CCDC91: variants seen among roughly 807,000 people sequenced by gnomAD.
The protein encoded by CCDC91 is coiled-coil domain containing 91.
Under a neutral mutation model 63.2 loss-of-function variants are expected in CCDC91, and 48 were observed. The observed-to-expected ratio is 0.76, with a 90% CI of 0.60 to 0.97. The LOEUF (loss-of-function observed/expected upper bound fraction) is 0.97, where lower values mean the gene tolerates loss of function less well. Ranked by LOEUF, CCDC91 falls within the 50% of genes least tolerant of loss-of-function variation. CCDC91 has a pLI of 0.00. For synonymous variants in CCDC91, 167 were observed against 165.8 expected (o/e 1.01, Z -0.06); for missense variants, 500 against 494.6 (o/e 1.01, Z -0.10).
At chr12:28,441,408 T>G (rs1335661537) in intron 8 of CCDC91, among the ~76,000 whole-genome samples, 1 of 152,078 alleles carries the variant, frequency 6.6e-6, no homozygotes, top group Non-Finnish European at 1.5e-5. Context: ...CTGTGATTCC[T>G]TTATTCACAG....
At chr12:28,462,992 A>G (rs1400543142) in intron 11 of CCDC91, among the ~76,000 whole-genome samples, 1 of 152,158 alleles carries the variant, frequency 6.6e-6, no homozygotes, top group African/African-American at 2.4e-5. Context: ...CTCAGAGAGC[A>G]TGGCATGTCC....
At chr12:28,380,327 A>G (rs1945221194) in intron 7 of CCDC91, among the ~76,000 whole-genome samples, 1 of 152,098 alleles carries the variant, frequency 6.6e-6, no homozygotes, top group Non-Finnish European at 1.5e-5. Context: ...GTATAATAAT[A>G]ATAAAAAAGA....
chr12:28,375,100 T>C (rs1004720103), intron 7 of CCDC91, among the ~76,000 whole-genome samples: 1 of 151,714 alleles, frequency 6.6e-6, no homozygotes, highest in Non-Finnish European at 1.5e-5. Context: ...GCCCCACTTC[T>C]GCTATTTACT....
Position 28,376,864 on chromosome 12 carries a change from AG to A in CCDC91, c.654+14350del, listed in dbSNP as rs143103808. ...CATTTGGGAAGAATTTTCCAAAGGA[AG>A]TATTTAGTTGACTCAATCAGTGTGT... is the stretch of plus-strand genomic sequence containing the variant. On this transcript the variant is annotated intron_variant, in intron 7 of 12. Transcript: ENST00000536442. Among the ~76,000 whole-genome samples, 1,402 of 151,916 alleles carry A rather than the reference AG, an allele frequency of 9.2e-3. 27 individuals are homozygous for A. Among genetic ancestry groups the A allele is most frequent in the African/African-American group, 0.032 (1,332 of 41,520 alleles).
At chr12:28,334,616 C>G (rs1279754554) in intron 6 of CCDC91, among the ~76,000 whole-genome samples, 1 of 152,150 alleles carries the variant, frequency 6.6e-6, no homozygotes, top group Non-Finnish European at 1.5e-5. Flanking sequence ...CACATAAATT[C>G]TGGAGCACAA....
chr12:28,193,411 G>A (rs1470082368), intron 1 of CCDC91, among the ~76,000 whole-genome samples: 1 of 152,096 alleles, frequency 6.6e-6, no homozygotes, highest in Non-Finnish European at 1.5e-5. Flanking sequence ...GACCATCCTG[G>A]TCAACATGGT....
intron 12 of CCDC91, among the ~76,000 whole-genome samples, chr12:28,507,411 A>T (rs1171212890): frequency 6.6e-6 from 1 of 151,928 alleles, no homozygotes; most frequent in African/African-American, 2.4e-5. Context: ...AGTAGTAGCC[A>T]CCCCCTAGTT....
intron 1 of CCDC91, among the ~76,000 whole-genome samples, chr12:28,224,365 G>A (rs1478930722): frequency 6.6e-6 from 1 of 152,106 alleles, no homozygotes; most frequent in African/African-American, 2.4e-5. Flanking sequence ...TAAATCAATA[G>A]TTTTTAAGAG....
In CCDC91 at chr12:28,259,454, C is replaced by A; in HGVS notation, c.109+12C>A. ...TGCCTTTCCTGCAGGTATTGGTATC[C>A]AGGAATTAGGGTTTTTTTTTTTTTT... On this transcript the variant is annotated intron_variant, in intron 3 of 12. Coordinates refer to ENST00000536442, the MANE Select transcript of CCDC91 (RefSeq NM_018318.5). 5 of 1,479,776 alleles carry A rather than the reference C, an allele frequency of 3.4e-6. No individual in the cohort carries two copies. Among genetic ancestry groups the A allele is most frequent in the Middle Eastern group, 1.7e-4 (1 of 5,718 alleles). The allele number at this position is 1,479,776 out of a possible 1,614,324, so 91.7% of individuals were successfully genotyped here. A position where few individuals can be genotyped will look rare whatever the true frequency, so the allele number is the denominator to read the frequency against.
At chr12:28,309,105 C>T (rs1939047830) in intron 6 of CCDC91, among the ~76,000 whole-genome samples, 1 of 151,950 alleles carries the variant, frequency 6.6e-6, no homozygotes, top group African/African-American at 2.4e-5. Flanking sequence ...ATGATTCACT[C>T]ACATATCTCT....
intron 8 of CCDC91, among the ~76,000 whole-genome samples, chr12:28,412,204 G>A (rs1465317362): frequency 6.6e-6 from 1 of 152,152 alleles, no homozygotes; most frequent in Non-Finnish European, 1.5e-5. Flanking sequence ...ACACAATGAT[G>A]AAATTGCCTA....
At chr12:28,442,589 A>G (rs1949284469) in intron 8 of CCDC91, among the ~76,000 whole-genome samples, 1 of 152,116 alleles carries the variant, frequency 6.6e-6, no homozygotes, top group Non-Finnish European at 1.5e-5. Context: ...CAAGAACAAA[A>G]ATATACTTTC....
At chr12:28,244,264 A>C (rs1273523964) in intron 1 of CCDC91, among the ~76,000 whole-genome samples, 1 of 151,890 alleles carries the variant, frequency 6.6e-6, no homozygotes, top group African/African-American at 2.4e-5. Flanking sequence ...ACATCTCTAA[A>C]CTGTCAAGAA....
intron 12 of CCDC91, among the ~76,000 whole-genome samples, chr12:28,508,893 G>A (rs888646817): frequency 2.0e-5 from 3 of 151,872 alleles, no homozygotes; most frequent in African/African-American, 7.2e-5. Flanking sequence ...TCTATTTAAT[G>A]GTTATTGATA....
chr12:28,519,174 C>G (rs1940299491), intron 12 of CCDC91, among the ~76,000 whole-genome samples: 1 of 152,038 alleles, frequency 6.6e-6, no homozygotes. Context: ...TCTGTCCATC[C>G]ATGCGCATGG....
At chr12:28,539,375 A>C (rs1942452855) in intron 12 of CCDC91, among the ~76,000 whole-genome samples, 1 of 152,142 alleles carries the variant, frequency 6.6e-6, no homozygotes, top group African/African-American at 2.4e-5. Flanking sequence ...TCGTTTCCCC[A>C]TTTCTTGTTT....
Position 28,401,014 on chromosome 12 carries a change from A to G in CCDC91, c.762+9603A>G, listed in dbSNP as rs189707987. Among the ~76,000 whole-genome samples the G allele has an allele frequency of 1.6e-3, 242 of 152,054 alleles. 2 individuals are homozygous for G. Among genetic ancestry groups the G allele is most frequent in the South Asian group, 9.2e-3 (44 of 4,798 alleles). ...GTTCCAAACTTTCCCACATTTTCCT[A>G]TCTTCCTCTGAGCTCTCCAAATGGT... On this transcript the variant is annotated intron_variant, in intron 8 of 12. Transcript: ENST00000536442.
chr12:28,413,923 C>T (rs905578908), intron 8 of CCDC91, among the ~76,000 whole-genome samples: 13 of 152,140 alleles, frequency 8.5e-5, no homozygotes, highest in African/African-American at 1.2e-4. Context: ...CTGATGAATA[C>T]GGTACATGTC....
intron 1 of CCDC91, among the ~76,000 whole-genome samples, chr12:28,191,783 C>T (rs2121166787): frequency 6.6e-6 from 1 of 152,264 alleles, no homozygotes; most frequent in East Asian, 1.9e-4. Flanking sequence ...GTTATACTGT[C>T]TGTACCTATT....
Sources: gnomAD v4.1 joint callset for allele counts (sites outside exome capture counted in the v4.1 genomes callset) on GRCh38, gnomAD v4.1.1 for gene constraint, MANE v1.5 for transcripts, NCBI Gene and HGNC (gene_info 2026-07-23, HGNC 2026-07-21) for gene names.